The following LSMEM1 variants were observed in gnomAD, a reference collection of about 807,000 sequenced individuals.
LSMEM1 encodes leucine rich single-pass membrane protein 1.
In LSMEM1, 10 loss-of-function variants were observed where a neutral mutation model predicts 11.3. The observed-to-expected ratio is 0.89, with a 90% CI of 0.55 to 1.50. The LOEUF is 1.50. Among genes scored for constraint, LSMEM1 ranks in the 40% most tolerant of loss-of-function variants. The pLI, the probability that LSMEM1 is intolerant of heterozygous loss-of-function variation, is 0.00. For missense variants in LSMEM1, 151 were observed against 152.9 expected, an observed-to-expected ratio of 0.99 and a Z score of 0.06; for synonymous variants, 65 against 59.3, an observed-to-expected ratio of 1.10 and a Z score of -0.44.
rs561156277 is a variant in LSMEM1 at position 112,489,959 on chromosome 7, T to C, written c.*10T>C. The stretch of plus-strand genomic sequence containing the variant: ...CTCTGAACAAAACTAAAGGAATGAT[T>C]TTCTGAAAGCACCTGCTAACACCTT... On this transcript the variant is annotated 3_prime_UTR_variant, in exon 4 of 4. Coordinates refer to ENST00000312849, the MANE Select transcript of LSMEM1 (RefSeq NM_182597.3). The C allele has an allele frequency of 3.1e-6, 5 of 1,609,726 alleles. No individual in the cohort carries two copies. The South Asian group carries it at 5.5e-5, about 18-fold the overall frequency.
upstream of LSMEM1, among the ~76,000 whole-genome samples, chr7:112,480,434 G>A (rs1224171394): frequency 6.6e-6 from 1 of 152,174 alleles, no homozygotes; most frequent in Non-Finnish European, 1.5e-5. Flanking sequence ...GATGAATAAT[G>A]TCCATCAAGC....
chr7:112,489,953 A>G lies in LSMEM1; in HGVS notation c.*4A>G, dbSNP rs781601951. On this transcript the variant is annotated 3_prime_UTR_variant, in exon 4 of 4. Coordinates refer to ENST00000312849, the MANE Select transcript of LSMEM1 (RefSeq NM_182597.3). ...ACTGGACTCTGAACAAAACTAAAGG[A>G]ATGATTTTCTGAAAGCACCTGCTAA... 3.8e-5 allele frequency: 62 copies of G among 1,611,412 alleles called. No homozygotes were observed. The highest frequency in any genetic ancestry group is 5.0e-5 in the Non-Finnish European group (59 of 1,179,156).
At position 112,490,845 on chromosome 7, in the gene LSMEM1, A is replaced by T. The variant is rs1796222496; in HGVS notation, c.*896A>T. 1.3e-5 allele frequency: 2 copies of T among 152,238 alleles called. No individual in the cohort carries two copies. Among genetic ancestry groups the T allele is most frequent in the African/African-American group, 4.8e-5 (2 of 41,460 alleles). The allele number at this position is 152,238 out of a possible 1,614,324, so 9.4% of individuals were successfully genotyped here. A position where few individuals can be genotyped will look rare whatever the true frequency, so the allele number is the denominator to read the frequency against. ...CAGCAATGAAAGTAAGACACACAGCATATGACATAAGACACAGTGTGAAAT... is the reference window on the plus strand; with the variant it reads ...CAGCAATGAAAGTAAGACACACAGCTTATGACATAAGACACAGTGTGAAAT... On this transcript the variant is annotated 3_prime_UTR_variant, in exon 4 of 4. Transcript: ENST00000312849.
At chr7:112,483,727 C>G (rs1044420768) in intron 1 of LSMEM1, 1 of 152,112 alleles carries the variant, frequency 6.6e-6, no homozygotes, top group Non-Finnish European at 1.5e-5. Context: ...ACAAAAGGCC[C>G]GATTCCAGCT....
Position 112,481,205 on chromosome 7 carries a change from G to A in LSMEM1, c.-147G>A, listed in dbSNP as rs772196370. On this transcript the variant is annotated 5_prime_UTR_variant, in exon 1 of 4. Coordinates refer to ENST00000312849, the MANE Select transcript of LSMEM1 (RefSeq NM_182597.3). ...GCTTATGGGTCTCATAGGAGCACCCGTATGCTGAAGAAAGGCAAAGAGAGA... is the reference window on the plus strand; with the variant it reads ...GCTTATGGGTCTCATAGGAGCACCCATATGCTGAAGAAAGGCAAAGAGAGA... The A allele has an allele frequency of 3.7e-5, 6 of 163,330 alleles. No individual in the cohort carries two copies. The East Asian group carries it at 9.0e-4, about 25-fold the overall frequency. The allele number at this position is 163,330 out of a possible 1,614,324, so 10.1% of individuals were successfully genotyped here.
upstream of LSMEM1, among the ~76,000 whole-genome samples, chr7:112,480,579 C>T (rs1187047730): frequency 3.9e-5 from 6 of 152,140 alleles, no homozygotes; most frequent in African/African-American, 7.2e-5. Context: ...AGCTCCTTGG[C>T]ATGTATGTGA....
chr7:112,485,846 G>A (rs748188738), intron 2 of LSMEM1, among the ~76,000 whole-genome samples: 7 of 151,738 alleles, frequency 4.6e-5, no homozygotes, highest in African/African-American at 9.7e-5. Flanking sequence ...CCAATTCAAC[G>A]TAGGAGAGTA....
At chr7:112,485,073 GTTA>G in intron 2 of LSMEM1, 130 bp downstream of exon 2, 2 of 1,112,976 alleles carry the variant, frequency 1.8e-6, no homozygotes, top group Non-Finnish European at 2.5e-6. Context: ...CACTGGAAAT[GTTA>G]TTTGTTGTTG....
chr7:112,484,747 T>A (rs975823684), intron 1 of LSMEM1, 65 bp from the exon 2 acceptor site: 74 of 1,558,538 alleles, frequency 4.7e-5, no homozygotes, highest in Non-Finnish European at 6.1e-5. Flanking sequence ...CTGGTGGCTG[T>A]GGTTCTTGTG....
In LSMEM1 at chr7:112,489,854, G is replaced by GCT; in HGVS notation, c.302_303dup (p.Glu102LeufsTer6). The GCT allele has an allele frequency of 6.2e-7, 1 of 1,614,024 alleles. No individual in the cohort carries two copies. The highest frequency in any genetic ancestry group is 8.5e-7 in the Non-Finnish European group (1 of 1,179,942). ...GGATGATGTGTCAAGAAGACTAACA[G>GCT]CTGAAGGAAAAGACATAGATGATCT... On this transcript the variant is annotated frameshift_variant, in exon 4 of 4. Transcript: ENST00000312849. LOFTEE classifies it high-confidence loss of function.
At chr7:112,482,643 AAAAGAAT>A (rs143432395) in intron 1 of LSMEM1, among the ~76,000 whole-genome samples, 7,387 of 152,302 alleles carry the variant, frequency 0.049, 225 homozygotes, top group South Asian at 0.088. Context: ...AAACACATCT[AAAAGAAT>A]TGTTTTAAAA....
rs370303982 is a variant in LSMEM1, at chr7:112,484,778, A to G, written c.-5-34A>G. The G allele has an allele frequency of 3.1e-6, 5 of 1,604,654 alleles. No homozygotes were observed. In the African/African-American group the frequency reaches 6.7e-5, roughly 22 times the overall value. On this transcript the variant is annotated intron_variant, in intron 1 of 3. Transcript: ENST00000312849. ...TTGTGAAGTTGAGTTCACAAGCCCA[A>G]CCTCTTGTTTTTAACATCAGTGTTT...
intron 3 of LSMEM1, among the ~76,000 whole-genome samples, chr7:112,487,446 T>C (rs139488723): frequency 6.6e-6 from 1 of 152,350 alleles, no homozygotes; most frequent in African/African-American, 2.4e-5. Context: ...CTGAACTCGC[T>C]CCCAGGTTTT....
rs1172031040 is a variant in LSMEM1 at position 112,490,943 on chromosome 7, A to G, written c.*994A>G. 1 of 152,236 alleles carries G rather than the reference A, an allele frequency of 6.6e-6. No homozygotes were observed. The highest frequency in any genetic ancestry group is 2.4e-5 in the African/African-American group (1 of 41,464). 9.4% of individuals were successfully genotyped at this position (152,236 alleles called of 1,614,324 possible). A position where few individuals can be genotyped will look rare whatever the true frequency, so the allele number is the denominator to read the frequency against. On this transcript the variant is annotated 3_prime_UTR_variant, in exon 4 of 4. Coordinates refer to ENST00000312849, the MANE Select transcript of LSMEM1 (RefSeq NM_182597.3). ...ATAAAAATATTCTACCGGTCAATTGAAGAATGTATTATGATTCTATCATTT... is the reference window on the plus strand; with the variant it reads ...ATAAAAATATTCTACCGGTCAATTGGAGAATGTATTATGATTCTATCATTT...
chr7:112,485,012 A>G (rs377646980), intron 2 of LSMEM1, 69 bp downstream of exon 2: 3 of 1,446,338 alleles, frequency 2.1e-6, no homozygotes, highest in Middle Eastern at 2.0e-4. Context: ...GCCACTGCTG[A>G]CTGGATGTGT....
intron 1 of LSMEM1, chr7:112,483,754 G>A (rs1286475748): frequency 2.0e-5 from 3 of 152,180 alleles, no homozygotes; most frequent in African/African-American, 7.2e-5. Context: ...CCAGGCAAAT[G>A]TGTGATCCTG....
chr7:112,490,060 G>T lies in LSMEM1; in HGVS notation c.*111G>T. On this transcript the variant is annotated 3_prime_UTR_variant, in exon 4 of 4. Coordinates refer to ENST00000312849, the MANE Select transcript of LSMEM1 (RefSeq NM_182597.3). Reference sequence around the variant, plus strand: ...ACTTCCTCAGGCAACAGATGATCTGGTCAGGCAACCCACCCCTGGGGCCCA... The same window carrying T: ...ACTTCCTCAGGCAACAGATGATCTGTTCAGGCAACCCACCCCTGGGGCCCA... 6.1e-6 allele frequency: 8 copies of T among 1,304,062 alleles called. 1 individual carries two copies. The South Asian group carries it at 1.1e-4, about 18-fold the overall frequency. The allele number at this position is 1,304,062 out of a possible 1,614,324, so 80.8% of individuals were successfully genotyped here. A position where few individuals can be genotyped will look rare whatever the true frequency, so the allele number is the denominator to read the frequency against.
At chr7:112,489,619 A>G (rs1298216432) in intron 3 of LSMEM1, among the ~76,000 whole-genome samples, 191 bp from the exon 4 acceptor site, 1 of 152,188 alleles carries the variant, frequency 6.6e-6, no homozygotes, top group Non-Finnish European at 1.5e-5. Context: ...GATTGTAAAA[A>G]CAATTCACTG....
At chr7:112,489,530 C>T (rs1796198329) in intron 3 of LSMEM1, among the ~76,000 whole-genome samples, 3 of 152,196 alleles carry the variant, frequency 2.0e-5, no homozygotes, top group Admixed American at 6.5e-5. Context: ...TGACAGCTTC[C>T]TTTGGTTGCT....
Sources: allele counts gnomAD v4.1 joint callset (sites outside exome capture counted in the v4.1 genomes callset), GRCh38; gene constraint gnomAD v4.1.1; transcripts MANE v1.5; gene names NCBI Gene and HGNC (gene_info 2026-07-23, HGNC 2026-07-21).